The following SUN1 variants were observed in gnomAD, a reference collection of about 807,000 sequenced individuals.
SUN1 encodes Sad1 and UNC84 domain containing 1, also known as SUN domain-containing protein 1.
A neutral mutation model predicts 103.2 loss-of-function variants in SUN1; 61 were observed. The observed-to-expected ratio is 0.59, with a 90% CI of 0.48 to 0.73. The LOEUF (loss-of-function observed/expected upper bound fraction) is 0.73. SUN1 is among the 30% of genes least tolerant of loss of function. The probability of loss-of-function intolerance (pLI) is 0.00; values close to 1 mark genes in which losing one functional copy is unlikely to be tolerated. For synonymous variants in SUN1, 490 were observed against 425.7 expected, an observed-to-expected ratio of 1.15 and a Z score of -1.86; for missense variants, 1,052 against 1,034.6, an observed-to-expected ratio of 1.02 and a Z score of -0.23.
At chr7:866,195 A>C in intron 16 of SUN1, 128 bp downstream of exon 16, 1 of 777,618 alleles carries the variant, frequency 1.3e-6, no homozygotes, top group Non-Finnish European at 2.1e-6. Context: ...GTACCACAAG[A>C]AGTGGCAGCG....
chr7:861,530 G>A (rs1003217324), intron 15 of SUN1, 66 bp downstream of exon 15: 1 of 1,535,986 alleles, frequency 6.5e-7, no homozygotes, highest in Non-Finnish European at 9.0e-7. Flanking sequence ...GTGCACTTGA[G>A]AGGCTGTTGC....
At position 852,052 on chromosome 7, in the gene SUN1, A is replaced by G. The variant is rs1182624920; in HGVS notation, c.851+9A>G. Reference sequence around the variant, plus strand: ...GTGTTTCTTCTTACCAGGTAAGGAAATGGATATCATGTCAGCGTGGTGCTT... The same window carrying G: ...GTGTTTCTTCTTACCAGGTAAGGAAGTGGATATCATGTCAGCGTGGTGCTT... On this transcript the variant is annotated intron_variant, in intron 7 of 18. Coordinates refer to ENST00000401592, the MANE Select transcript of SUN1 (RefSeq NM_001130965.3). The G allele has an allele frequency of 1.7e-5, 27 of 1,613,418 alleles. No individual in the cohort carries two copies. Among genetic ancestry groups the G allele is most frequent in the Non-Finnish European group, 2.1e-5 (25 of 1,179,462 alleles).
rs1585437900 is a variant in SUN1, at chr7:873,395, C to T, written c.*64C>T. The T allele has an allele frequency of 2.8e-6, 4 of 1,408,950 alleles. No individual in the cohort carries two copies. The Admixed American group carries it at 5.1e-5, about 18-fold the overall frequency. 87.3% of individuals were successfully genotyped at this position (1,408,950 alleles called of 1,614,324 possible). A position where few individuals can be genotyped will look rare whatever the true frequency, so the allele number is the denominator to read the frequency against. ...TGGGACAGCGTGAAACACTGGAATC[C>T]TTCATGGACGAGGGCATATACAATG... is the stretch of plus-strand genomic sequence containing the variant. On this transcript the variant is annotated 3_prime_UTR_variant, in exon 19 of 19. Coordinates refer to ENST00000401592, the MANE Select transcript of SUN1 (RefSeq NM_001130965.3).
Position 852,792 on chromosome 7 carries a change from G to A in SUN1, c.911-18G>A. 6.2e-7 allele frequency: 1 copy of A among 1,611,020 alleles called. No homozygotes were observed. Among genetic ancestry groups the A allele is most frequent in the Non-Finnish European group, 8.5e-7 (1 of 1,178,048 alleles). ...AGCGTGGTGTACCTGTGTGTGTGTG[G>A]TGGCTCTTCTCTTTTAGCAGGTCTC... On this transcript the variant is annotated intron_variant, in intron 8 of 18. Coordinates refer to ENST00000401592, the MANE Select transcript of SUN1 (RefSeq NM_001130965.3).
At chr7:841,399 A>G (rs1183097752) in intron 2 of SUN1, among the ~76,000 whole-genome samples, 1 of 150,952 alleles carries the variant, frequency 6.6e-6, no homozygotes, top group East Asian at 2.0e-4. Context: ...GCCCGCCAAC[A>G]CGCCCGGCTA....
chr7:819,870 A>G (rs915308720), intron 1 of SUN1, among the ~76,000 whole-genome samples: 11 of 151,898 alleles, frequency 7.2e-5, no homozygotes, highest in Admixed American at 6.6e-4. Flanking sequence ...CACCACACAC[A>G]GCTAATTTTT....
chr7:836,814 A>C (rs1406879212), intron 1 of SUN1, among the ~76,000 whole-genome samples: 4 of 152,238 alleles, frequency 2.6e-5, no homozygotes. Flanking sequence ...TAACCCCTGC[A>C]GAGGGAAAGG....
intron 16 of SUN1, among the ~76,000 whole-genome samples, chr7:866,525 G>T (rs1836753611): frequency 1.2e-5 from 1 of 85,300 alleles, no homozygotes; most frequent in South Asian, 3.6e-4. Flanking sequence ...CGTCTCCCCG[G>T]GCCTTCTCCC....
intron 1 of SUN1, among the ~76,000 whole-genome samples, chr7:835,173 G>A (rs1371474882): frequency 6.6e-6 from 1 of 152,228 alleles, no homozygotes; most frequent in Non-Finnish European, 1.5e-5. Flanking sequence ...CACTGGCTTC[G>A]CCAGTGATGC....
chr7:842,009 G>A lies in SUN1; in HGVS notation c.330G>A (p.Gln110=). Residue 110 remains glutamine (Q), a synonymous_variant, in exon 3 of 19, where the codon CAG becomes CAA. Transcript: ENST00000401592. ...TTAGTATCAACCACGTGTCAAGGCA[G>A]GTCACGTCCTCTGGCGTCAGCCACG... ...SAFSINHVSR[Q]VTSSGVSHGG... The A allele has an allele frequency of 2.5e-6, 4 of 1,614,188 alleles. No individual in the cohort carries two copies. The highest frequency in any genetic ancestry group is 3.4e-6 in the Non-Finnish European group (4 of 1,180,034).
At chr7:838,755 G>A in intron 1 of SUN1, 43 bp from the exon 2 acceptor site, 1 of 1,465,194 alleles carries the variant, frequency 6.8e-7, no homozygotes, top group African/African-American at 1.4e-5. Flanking sequence ...TCAGAATGGG[G>A]GCTATAAGCA....
At chr7:841,804 C>G in intron 2 of SUN1, 142 bp from the exon 3 acceptor site, 2 of 804,780 alleles carry the variant, frequency 2.5e-6, no homozygotes, top group South Asian at 1.8e-5. Flanking sequence ...ACAGTTGATT[C>G]ATTACAGCAG....
chr7:840,475 G>A (rs527881113), intron 2 of SUN1, among the ~76,000 whole-genome samples: 70 of 152,332 alleles, frequency 4.6e-4, no homozygotes, highest in African/African-American at 1.6e-3. Context: ...TGTCACTGCT[G>A]CCTTTGGCCT....
intron 14 of SUN1, 80 bp from the exon 15 acceptor site, chr7:861,300 G>A (rs1388972723): frequency 4.3e-6 from 6 of 1,386,334 alleles, no homozygotes; most frequent in Non-Finnish European, 6.1e-6. Context: ...TAAGTGTCTG[G>A]TCCTCATCCA....
rs906980944 is a variant in SUN1 at position 869,259 on chromosome 7, A to T, written c.1981-90A>T. ...TTTCTACCATGTAAAACTTATTTTT[A>T]TCTCAGTATAATCAGTCTTTCCTCT... On this transcript the variant is annotated intron_variant, in intron 16 of 18. Transcript: ENST00000401592. 5.5e-6 allele frequency: 8 copies of T among 1,454,680 alleles called. No homozygotes were observed. In the East Asian group the frequency reaches 1.6e-4, roughly 29 times the overall value. The allele number at this position is 1,454,680 out of a possible 1,614,324, so 90.1% of individuals were successfully genotyped here. A position where few individuals can be genotyped will look rare whatever the true frequency, so the allele number is the denominator to read the frequency against.
At chr7:821,156 A>ATTT (rs1190473100) in intron 1 of SUN1, among the ~76,000 whole-genome samples, 4 of 122,120 alleles carry the variant, frequency 3.3e-5, no homozygotes, top group African/African-American at 1.3e-4. Flanking sequence ...TATTCAGCAC[A>ATTT]TCTTTTTTTT....
rs1325748893 is a variant in SUN1, at chr7:853,296, T to C, written c.1054-113T>C. The C allele has an allele frequency of 4.9e-6, 6 of 1,214,952 alleles. No individual in the cohort carries two copies. The African/African-American group carries it at 8.9e-5, about 18-fold the overall frequency. The allele number at this position is 1,214,952 out of a possible 1,614,324, so 75.3% of individuals were successfully genotyped here. A position where few individuals can be genotyped will look rare whatever the true frequency, so the allele number is the denominator to read the frequency against. On this transcript the variant is annotated intron_variant, in intron 9 of 18. Coordinates refer to ENST00000401592, the MANE Select transcript of SUN1 (RefSeq NM_001130965.3). ...GTTTCTGTGGATTCCTCCATTCGTG[T>C]GCCGTGCGCCCCAGAGCTGGCGTCT...
intron 5 of SUN1, chr7:849,638 C>T (rs756190903): frequency 3.3e-6 from 5 of 1,531,834 alleles, no homozygotes; most frequent in East Asian, 2.6e-5. Flanking sequence ...GGGCGTCGGT[C>T]GTGGAGTTGG....
Position 857,955 on chromosome 7 carries a change from A to G in SUN1, c.1522A>G (p.Arg508Gly), listed in dbSNP as rs748950727. 6.4e-7 allele frequency: 1 copy of G among 1,560,416 alleles called. No homozygotes were observed. The highest frequency in any genetic ancestry group is 8.7e-7 in the Non-Finnish European group (1 of 1,145,374). Residue 508 changes from arginine (R) to glycine (G), a missense_variant and splice_region_variant, in exon 13 of 19, where the codon AGA becomes GGA. By Grantham distance (125) the Arg-to-Gly change is moderately radical. This residue lies in a region of SUN1 where 846 missense variants were observed against 774.5 expected (regional missense o/e 1.09). Transcript: ENST00000401592. ...GCETVDAVQE[R>G]VDVQVREMVK... Reference sequence around the variant, plus strand: ...TGAGACAGTGGATGCCGTACAAGAAAGAGTGAGCTTTCTGCATGTTTACTT... The same window carrying G: ...TGAGACAGTGGATGCCGTACAAGAAGGAGTGAGCTTTCTGCATGTTTACTT...
Sources: allele counts gnomAD v4.1 joint callset (sites outside exome capture counted in the v4.1 genomes callset), GRCh38; gene constraint gnomAD v4.1.1; regional missense constraint gnomAD v4.1.1; transcripts MANE v1.5; gene names NCBI Gene and HGNC (gene_info 2026-07-23, HGNC 2026-07-21).